Variants in PAPLN observed in about 807,000 individuals in gnomAD.
The protein encoded by PAPLN is papilin, proteoglycan like sulfated glycoprotein, also known as papilin.
A neutral mutation model predicts 159.0 loss-of-function variants in PAPLN; 146 were observed. That is an observed-to-expected ratio of 0.92 (90% CI 0.80 to 1.05). The LOEUF (loss-of-function observed/expected upper bound fraction) is 1.05, where lower values mean the gene tolerates loss of function less well. Among genes scored for constraint, PAPLN ranks in the 50% least tolerant of loss-of-function variants. The probability of loss-of-function intolerance (pLI) is 0.00; values close to 1 mark genes in which losing one functional copy is unlikely to be tolerated. For synonymous variants in PAPLN, 734 were observed against 702.9 expected, an observed-to-expected ratio of 1.04 and a Z score of -0.70; for missense variants, 1,720 against 1,743.9, an observed-to-expected ratio of 0.99 and a Z score of 0.24.
chr14:73,261,282 C>A lies in PAPLN; in HGVS notation c.2233C>A (p.Gln745Lys), dbSNP rs868789019. ...AGPLGEGCVG[Q>K]PSHAYPVRCL... ...TCCTCTTGGGGAAGGCTGTGTGGGC[C>A]AGCCCAGCCATGGTGAGTGGACACC... The change falls in exon 18 of 27, where the codon CAG becomes AAG. Residue 745 changes from glutamine (Q) to lysine (K), a missense_variant. Physicochemically the swap from Gln to Lys is moderately conservative, Grantham distance 53. Transcript: ENST00000644200. 4.3e-6 allele frequency: 7 copies of A among 1,613,638 alleles called. No individual in the cohort carries two copies. Among genetic ancestry groups the A allele is most frequent in the Non-Finnish European group, 5.9e-6 (7 of 1,179,994 alleles).
At chr14:73,248,539 C>T (rs1884869458) in intron 5 of PAPLN, among the ~76,000 whole-genome samples, 1 of 152,182 alleles carries the variant, frequency 6.6e-6, no homozygotes, top group East Asian at 1.9e-4. Context: ...TACAGTGGCT[C>T]ATGCCCGTAA....
intron 1 of PAPLN, chr14:73,239,549 C>A: frequency 1.5e-6 from 1 of 656,736 alleles, no homozygotes; most frequent in Non-Finnish European, 2.3e-6. Context: ...TGAACTTCTG[C>A]CAGTTGCGGA....
At chr14:73,244,966 C>T (rs572720499) in intron 3 of PAPLN, 70 of 461,168 alleles carry the variant, frequency 1.5e-4, no homozygotes, top group Non-Finnish European at 2.4e-4. Flanking sequence ...CTGGAGCACG[C>T]GTGCTGCCTG....
chr14:73,251,462 C>T (rs1885242254), intron 7 of PAPLN, 24 bp from the exon 8 acceptor site: 15 of 1,598,648 alleles, frequency 9.4e-6, no homozygotes, highest in Non-Finnish European at 1.2e-5. Flanking sequence ...CCAGCACACC[C>T]AGCACCTGCG....
chr14:73,237,933 C>T (rs1883141643), intron 1 of PAPLN, among the ~76,000 whole-genome samples: 2 of 152,188 alleles, frequency 1.3e-5, no homozygotes, highest in African/African-American at 2.4e-5. Flanking sequence ...ACCGTGCGCC[C>T]CTCCCGGGAG....
chr14:73,253,412 C>T (rs1223221402), intron 11 of PAPLN, among the ~76,000 whole-genome samples: 1 of 152,212 alleles, frequency 6.6e-6, no homozygotes, highest in African/African-American at 2.4e-5. Context: ...TGAGCACAGC[C>T]TCTCCAGGAG....
chr14:73,241,566 G>A (rs886885378), intron 2 of PAPLN, among the ~76,000 whole-genome samples: 2 of 152,164 alleles, frequency 1.3e-5, no homozygotes, highest in South Asian at 2.1e-4. Flanking sequence ...AGCCTCATCC[G>A]GCTGCCACCT....
At chr14:73,246,582 G>T (rs1366323785) in intron 5 of PAPLN, among the ~76,000 whole-genome samples, 2 of 147,944 alleles carry the variant, frequency 1.4e-5, no homozygotes, top group African/African-American at 2.5e-5. Context: ...GTTCTCTCTC[G>T]CTTGCTCTTT....
intron 2 of PAPLN, chr14:73,242,918 A>G (rs1883744365): frequency 6.6e-6 from 1 of 152,274 alleles, no homozygotes; most frequent in Non-Finnish European, 1.5e-5. Context: ...CAGGGATGTT[A>G]GAGATGAGTA....
intron 19 of PAPLN, 25 bp downstream of exon 19, chr14:73,262,852 G>A (rs1886743475): frequency 6.9e-6 from 10 of 1,442,954 alleles, no homozygotes; most frequent in Non-Finnish European, 9.1e-6. Flanking sequence ...CCCCAGGTGA[G>A]GGGGTTAGGA....
rs75011447 is a variant in PAPLN, at chr14:73,264,602, G to A, written c.3001G>A (p.Val1001Met). Reference protein sequence around the residue: ...QLRIIGGDMAVLSEAELSRFP... With the variant: ...QLRIIGGDMAMLSEAELSRFP... ...CCTCATGACAGGGGGTGACATGGCCGTGCTGTCTGAGGCTGAGCTGAGCCG... is the reference window on the plus strand; with the variant it reads ...CCTCATGACAGGGGGTGACATGGCCATGCTGTCTGAGGCTGAGCTGAGCCG... The change falls in exon 22 of 27, where the codon GTG becomes ATG. Residue 1001 changes from valine to methionine, a missense_variant. Val to Met is a conservative substitution (Grantham distance 21, BLOSUM62 1). Transcript: ENST00000644200. 1,085 of 1,599,822 alleles carry A rather than the reference G, an allele frequency of 6.8e-4. 7 individuals carry two copies. The African/African-American group carries it at 0.012, about 18-fold the overall frequency.
Position 73,262,642 on chromosome 14 carries a change from G to T in PAPLN, c.2538G>T (p.Ala846=), listed in dbSNP as rs764255412. ...CCAGCCAGCACAGGACAGGGGCCGC[G>T]GTGCAGAGAAAGCCCTGGCCTTCTG... ...QEPSQHRTGA[A]VQRKPWPSGG... is the part of the protein sequence containing the mutation. The change falls in exon 19 of 27, where the codon GCG becomes GCT. Residue 846 remains alanine (A), a synonymous_variant. Coordinates refer to ENST00000644200, the MANE Select transcript of PAPLN (RefSeq NM_001365906.3). 1 of 1,508,464 alleles carries T rather than the reference G, an allele frequency of 6.6e-7. No homozygotes were observed. The highest frequency in any genetic ancestry group is 8.9e-7 in the Non-Finnish European group (1 of 1,124,110). The allele number at this position is 1,508,464 out of a possible 1,614,324, so 93.4% of individuals were successfully genotyped here. A position where few individuals can be genotyped will look rare whatever the true frequency, so the allele number is the denominator to read the frequency against.
At chr14:73,258,434 G>T (rs1041382703) in intron 14 of PAPLN, among the ~76,000 whole-genome samples, 2 of 151,866 alleles carry the variant, frequency 1.3e-5, no homozygotes, top group African/African-American at 4.8e-5. Context: ...TTATGTGGCT[G>T]GGATCATAAC....
Position 73,259,425 on chromosome 14 carries a change from G to A in PAPLN, c.1865G>A (p.Arg622Gln), listed in dbSNP as rs550033960. The change falls in exon 16 of 27, where the codon CGG becomes CAG. Residue 622 changes from arginine (R) to glutamine (Q), a missense_variant. Physicochemically the swap from Arg to Gln is conservative, Grantham distance 43. Coordinates refer to ENST00000644200, the MANE Select transcript of PAPLN (RefSeq NM_001365906.3). ...CAGCCCCCATACCAGCAACCCCTGC[G>A]GTCGGGCTCAGGGCCCCACGACTGC... ...LQQPPYQQPLRSGSGPHDCRH... is the reference protein window; with the variant it reads ...LQQPPYQQPLQSGSGPHDCRH... The A allele has an allele frequency of 9.7e-5, 156 of 1,612,930 alleles. 1 individual carries two copies. The highest frequency in any genetic ancestry group is 8.6e-4 in the South Asian group (78 of 90,944).
rs1284355258 is a variant in PAPLN, at chr14:73,263,877, A to AG, written c.2861+97dup. ...TGACAGCTCCCCCACCTCCTCTGAT[A>AG]GGTGTGACAGACCCCCTCCTCCTTT... On this transcript the variant is annotated intron_variant, in intron 20 of 26. Coordinates refer to ENST00000644200, the MANE Select transcript of PAPLN (RefSeq NM_001365906.3). 10 of 1,259,146 alleles carry AG rather than the reference A, an allele frequency of 7.9e-6. No individual in the cohort carries two copies. In the East Asian group the frequency reaches 2.9e-4, roughly 37 times the overall value. The allele number at this position is 1,259,146 out of a possible 1,614,324, so 78.0% of individuals were successfully genotyped here.
intron 23 of PAPLN, 130 bp from the exon 24 acceptor site, chr14:73,266,371 G>C: frequency 8.7e-7 from 1 of 1,151,544 alleles, no homozygotes; most frequent in Non-Finnish European, 1.2e-6. Context: ...AAACACTAGG[G>C]GATGCTTAGC....
intron 14 of PAPLN, among the ~76,000 whole-genome samples, chr14:73,257,362 C>T (rs964444374): frequency 6.6e-6 from 1 of 151,940 alleles, no homozygotes; most frequent in African/African-American, 2.4e-5. Context: ...GGGAAGGGCA[C>T]CCTGCCTCCC....
chr14:73,237,964 T>C (rs1883147287), intron 1 of PAPLN, among the ~76,000 whole-genome samples: 1 of 152,034 alleles, frequency 6.6e-6, no homozygotes, highest in Non-Finnish European at 1.5e-5. Flanking sequence ...GCCGCGGGCC[T>C]GGAGCGTCCG....
At chr14:73,252,260 A>G in intron 10 of PAPLN, 119 bp downstream of exon 10, 1 of 1,387,816 alleles carries the variant, frequency 7.2e-7, no homozygotes, top group South Asian at 1.5e-5. Context: ...ATGGACAAGT[A>G]GGCGAGAAAT....
Sources: gnomAD v4.1 joint callset for allele counts (sites outside exome capture counted in the v4.1 genomes callset) on GRCh38, gnomAD v4.1.1 for gene constraint, MANE v1.5 for transcripts, NCBI Gene and HGNC (gene_info 2026-07-23, HGNC 2026-07-21) for gene names.